SYNPR: variants seen among roughly 807,000 people sequenced by gnomAD.
SYNPR encodes synaptoporin.
SYNPR carries 23 observed loss-of-function variants against 32.9 expected under a neutral mutation model. The observed-to-expected ratio is 0.70, with a 90% CI of 0.50 to 0.99. The LOEUF is 0.99. Ranked by LOEUF, SYNPR falls within the 50% of genes least tolerant of loss-of-function variation. The pLI, the probability that SYNPR is intolerant of heterozygous loss-of-function variation, is 0.00. For synonymous variants in SYNPR, 146 were observed against 135.9 expected (o/e 1.07, Z -0.52); for missense variants, 318 against 349.3 (o/e 0.91, Z 0.71).
intron 2 of SYNPR, among the ~76,000 whole-genome samples, chr3:63,267,127 G>A (rs1424812850): frequency 6.6e-6 from 1 of 152,182 alleles, no homozygotes; most frequent in Non-Finnish European, 1.5e-5. Flanking sequence ...CTCAATGTGT[G>A]TCCCCAGAAG....
chr3:63,290,038 G>A lies in SYNPR; in HGVS notation c.84+11296G>A, dbSNP rs1481168477. Among the ~76,000 whole-genome samples, 4 of 151,976 alleles carry A rather than the reference G, an allele frequency of 2.6e-5. No individual in the cohort carries two copies. In the South Asian group the frequency reaches 6.2e-4, roughly 24 times the overall value. ...CCAGCTACTCGGGAGGCTGAGGCAG[G>A]AGAATGGTGTGAACCCAGGAGGCAG... is the stretch of plus-strand genomic sequence containing the variant. On this transcript the variant is annotated intron_variant, in intron 2 of 5. Coordinates refer to ENST00000478300, the MANE Select transcript of SYNPR (RefSeq NM_001130003.2).
chr3:63,435,340 GAAC>G (rs1559498583), intron 2 of SYNPR, among the ~76,000 whole-genome samples: 1 of 152,160 alleles, frequency 6.6e-6, no homozygotes, highest in East Asian at 1.9e-4. Flanking sequence ...CATAATCCAT[GAAC>G]AGCGCTTAGG....
At chr3:63,508,027 T>C (rs1241109938) in intron 3 of SYNPR, among the ~76,000 whole-genome samples, 2 of 152,118 alleles carry the variant, frequency 1.3e-5, no homozygotes, top group South Asian at 4.1e-4. Context: ...TTGTAATCAA[T>C]ATAAAAATGT....
intron 2 of SYNPR, among the ~76,000 whole-genome samples, chr3:63,441,366 G>C (rs573593951): frequency 6.6e-6 from 1 of 152,172 alleles, no homozygotes; most frequent in African/African-American, 2.4e-5. Context: ...TTACTCACTG[G>C]GCTCCGTGAA....
At chr3:63,274,881 A>C (rs1020337118), upstream of SYNPR, among the ~76,000 whole-genome samples, 1 of 152,316 alleles carries the variant, frequency 6.6e-6, no homozygotes, top group South Asian at 2.1e-4. Flanking sequence ...ACATTGTTAC[A>C]TGTTTTCCAG....
intron 2 of SYNPR, among the ~76,000 whole-genome samples, chr3:63,381,387 C>T (rs2087966629): frequency 1.3e-5 from 2 of 152,160 alleles, no homozygotes; most frequent in African/African-American, 4.8e-5. Context: ...CAAACCACTG[C>T]TCAACGAAAT....
intron 1 of SYNPR, among the ~76,000 whole-genome samples, chr3:63,232,263 G>A (rs9846443): frequency 0.24 from 33,403 of 140,484 alleles, 4,052 homozygotes; most frequent in Middle Eastern, 0.38. Context: ...GTGCAATGGC[G>A]TGATCTTGGC....
chr3:63,575,442 C>G (rs1199267386), intron 4 of SYNPR, among the ~76,000 whole-genome samples: 1 of 152,188 alleles, frequency 6.6e-6, no homozygotes, highest in South Asian at 2.1e-4. Flanking sequence ...CATTAGCCCC[C>G]CTCAGTCACC....
the SYNPR span, among the ~76,000 whole-genome samples, chr3:63,211,984 T>C: frequency 1.8e-5 from 1 of 55,952 alleles, no homozygotes; most frequent in African/African-American, 6.6e-5. Flanking sequence ...CTTGCGATAG[T>C]TTACTGAGAA....
intron 4 of SYNPR, among the ~76,000 whole-genome samples, chr3:63,595,833 TTATATATATAG>T (rs1699945374): frequency 1.8e-5 from 1 of 56,320 alleles, no homozygotes. Context: ...ATATATATAG[TTATATATATAG>T]TTTTATATAT....
chr3:63,531,872 GA>G (rs1198912311), intron 3 of SYNPR, among the ~76,000 whole-genome samples: 1 of 152,102 alleles, frequency 6.6e-6, no homozygotes, highest in Non-Finnish European at 1.5e-5. Flanking sequence ...GGGGAAATGA[GA>G]GTAGCATTAG....
chr3:63,315,809 C>T (rs2087034630), intron 2 of SYNPR, among the ~76,000 whole-genome samples: 1 of 151,996 alleles, frequency 6.6e-6, no homozygotes, highest in African/African-American at 2.4e-5. Context: ...GCATCCTTGT[C>T]TTATTCCAGT....
chr3:63,294,363 G>T (rs1352341833), intron 2 of SYNPR, among the ~76,000 whole-genome samples: 1 of 152,138 alleles, frequency 6.6e-6, no homozygotes, highest in Non-Finnish European at 1.5e-5. Flanking sequence ...GTTTGATAGT[G>T]GAAATGAAAT....
intron 1 of SYNPR, among the ~76,000 whole-genome samples, chr3:63,235,469 G>C (rs2086194023): frequency 1.3e-5 from 2 of 152,064 alleles, no homozygotes; most frequent in Non-Finnish European, 2.9e-5. Flanking sequence ...AATTCCACTG[G>C]GCTTACGAAT....
chr3:63,548,220 C>T (rs1206373351), intron 3 of SYNPR, among the ~76,000 whole-genome samples: 9 of 152,058 alleles, frequency 5.9e-5, no homozygotes, highest in South Asian at 4.1e-4. Context: ...GCTTGGAAAA[C>T]GTGGAAATGA....
intron 3 of SYNPR, among the ~76,000 whole-genome samples, chr3:63,543,185 G>T (rs1318969924): frequency 1.3e-5 from 2 of 151,984 alleles, no homozygotes; most frequent in Non-Finnish European, 2.9e-5. Flanking sequence ...AGAGTAAAAT[G>T]ACAAACAACA....
chr3:63,362,711 G>A (rs377219193), intron 2 of SYNPR, among the ~76,000 whole-genome samples: 65 of 152,250 alleles, frequency 4.3e-4, no homozygotes, highest in African/African-American at 1.5e-3. Context: ...CTTTATTAGG[G>A]TGGGTATTAG....
intron 2 of SYNPR, among the ~76,000 whole-genome samples, chr3:63,406,280 C>A (rs928544216): frequency 6.6e-6 from 1 of 151,282 alleles, no homozygotes; most frequent in Non-Finnish European, 1.5e-5. Context: ...GAGATTTATT[C>A]TTTTTGTTGT....
intron 3 of SYNPR, among the ~76,000 whole-genome samples, chr3:63,488,865 AT>A (rs11351824): frequency 0.17 from 26,465 of 152,102 alleles, 2,459 homozygotes; most frequent in African/African-American, 0.22. Flanking sequence ...GGCTGCTGGC[AT>A]GAAAAGGGTT....
Sources: gnomAD v4.1 joint callset for allele counts (sites outside exome capture counted in the v4.1 genomes callset) on GRCh38, gnomAD v4.1.1 for gene constraint, MANE v1.5 for transcripts, NCBI Gene and HGNC (gene_info 2026-07-23, HGNC 2026-07-21) for gene names.